CCDC192: variants seen among roughly 807,000 people sequenced by gnomAD.
CCDC192 encodes the protein coiled-coil domain containing 192.
At position 127,873,190 on chromosome 5, in the gene CCDC192, T is replaced by C. The variant is rs527382373; in HGVS notation, c.412-2348T>C. Among the ~76,000 whole-genome samples, 86 of 152,322 alleles carry C rather than the reference T, an allele frequency of 5.6e-4. 3 individuals carry two copies. Among genetic ancestry groups the C allele is most frequent in the Admixed American group, 1.2e-3 (19 of 15,292 alleles). On this transcript the variant is annotated intron_variant, in intron 5 of 6. Transcript: ENST00000514853. Reference sequence around the variant, plus strand: ...ACCTCACTGCATTTATTTTTTCTTGTGTTTATTTACTGTCAATGCATACTT... The same window carrying C: ...ACCTCACTGCATTTATTTTTTCTTGCGTTTATTTACTGTCAATGCATACTT...
intron 2 of CCDC192, among the ~76,000 whole-genome samples, chr5:127,736,433 G>A (rs1401194026): frequency 6.6e-6 from 1 of 151,706 alleles, no homozygotes; most frequent in Non-Finnish European, 1.5e-5. Flanking sequence ...TCAGAATGAT[G>A]CTTGCCTCAT....
At chr5:127,753,363 T>G (rs1407607571) in intron 2 of CCDC192, among the ~76,000 whole-genome samples, 1 of 152,172 alleles carries the variant, frequency 6.6e-6, no homozygotes, top group East Asian at 1.9e-4. Context: ...CCTACCAATT[T>G]TGCATACTCT....
In CCDC192 at chr5:127,775,735, G is replaced by A. The variant is rs137948569; in HGVS notation, c.222+21360G>A. Among the ~76,000 whole-genome samples, 288 of 152,270 alleles carry A rather than the reference G, an allele frequency of 1.9e-3. 1 individual carries two copies. Among genetic ancestry groups the A allele is most frequent in the African/African-American group, 6.7e-3 (279 of 41,544 alleles). ...GCTCCCATAATTCCCACATGTTGTG[G>A]GAGGGACCTGGTGGGAGATAATTGA... On this transcript the variant is annotated intron_variant, in intron 3 of 6. Coordinates refer to ENST00000514853, the MANE Select transcript of CCDC192 (RefSeq NM_001317938.2).
chr5:127,746,434 T>C (rs941149751), intron 2 of CCDC192, among the ~76,000 whole-genome samples: 1 of 152,190 alleles, frequency 6.6e-6, no homozygotes, highest in Non-Finnish European at 1.5e-5. Context: ...TTTTAAAAAC[T>C]TCTTCTTGAG....
chr5:127,875,772 G>C, intron 6 of CCDC192, 111 bp downstream of exon 6: 1 of 395,188 alleles, frequency 2.5e-6, no homozygotes, highest in Non-Finnish European at 4.5e-6. Flanking sequence ...TCTGACCTCT[G>C]TGTGGCACCA....
At chr5:127,927,008 ATGAACT>A (rs1485923664) in intron 6 of CCDC192, among the ~76,000 whole-genome samples, 1 of 152,200 alleles carries the variant, frequency 6.6e-6, no homozygotes, top group Non-Finnish European at 1.5e-5. Context: ...GGTCAAGTAG[ATGAACT>A]TGAAGCAAAT....
At chr5:127,767,704 C>T (rs2126902503) in intron 3 of CCDC192, among the ~76,000 whole-genome samples, 1 of 152,252 alleles carries the variant, frequency 6.6e-6, no homozygotes, top group East Asian at 1.9e-4. Flanking sequence ...ATCTCTTTGC[C>T]TGCATCCCTA....
chr5:127,797,751 ATATATATATATATATATATATATATATT>A (rs1365021683), intron 4 of CCDC192, among the ~76,000 whole-genome samples: 18 of 132,480 alleles, frequency 1.4e-4, no homozygotes, highest in South Asian at 4.9e-4. Context: ...ATATATATAT[ATATATATATATATATATATATATATATT>A]TATTTATTTA....
intron 5 of CCDC192, among the ~76,000 whole-genome samples, chr5:127,826,326 C>CT (rs1008919194): frequency 2.0e-5 from 3 of 152,112 alleles, no homozygotes; most frequent in Non-Finnish European, 2.9e-5. Context: ...AACTTATACT[C>CT]TGTTAGTGAA....
intron 6 of CCDC192, among the ~76,000 whole-genome samples, chr5:127,911,898 C>A (rs1355995603): frequency 6.6e-6 from 1 of 151,458 alleles, no homozygotes; most frequent in Non-Finnish European, 1.5e-5. Context: ...TTTTTAAGTT[C>A]TTTACTCACA....
intron 5 of CCDC192, among the ~76,000 whole-genome samples, chr5:127,860,345 G>A (rs887165211): frequency 2.0e-5 from 3 of 152,292 alleles, no homozygotes; most frequent in Admixed American, 2.0e-4. Flanking sequence ...CTAATGAGCT[G>A]TATCCTCTCT....
intron 3 of CCDC192, chr5:127,786,690 G>A (rs1292695289): frequency 5.3e-6 from 4 of 756,686 alleles, no homozygotes; most frequent in South Asian, 2.7e-5. Flanking sequence ...CCATTGTTGA[G>A]TGTAGAATTT....
intron 2 of CCDC192, among the ~76,000 whole-genome samples, chr5:127,729,514 A>G (rs760997007): frequency 2.6e-5 from 4 of 152,206 alleles, no homozygotes; most frequent in Non-Finnish European, 5.9e-5. Flanking sequence ...TCTGAATCCA[A>G]TGGATCTGAT....
intron 3 of CCDC192, among the ~76,000 whole-genome samples, chr5:127,774,037 GC>G (rs1248956835): frequency 1.3e-5 from 2 of 152,114 alleles, no homozygotes; most frequent in South Asian, 2.1e-4. Flanking sequence ...CTTTTCATGT[GC>G]TTCTTGGCCA....
chr5:127,851,311 T>A (rs1580749857), intron 5 of CCDC192, among the ~76,000 whole-genome samples: 1 of 152,336 alleles, frequency 6.6e-6, no homozygotes, highest in Middle Eastern at 3.4e-3. Context: ...GTGTACCTAC[T>A]TCTTCGAGAC....
intron 6 of CCDC192, among the ~76,000 whole-genome samples, chr5:127,917,072 A>G (rs1753542090): frequency 6.6e-6 from 1 of 152,164 alleles, no homozygotes. Context: ...CAGCTCCTCC[A>G]TCGGCACTTT....
intron 5 of CCDC192, among the ~76,000 whole-genome samples, chr5:127,870,244 G>A (rs575953939): frequency 6.6e-6 from 1 of 152,206 alleles, no homozygotes; most frequent in East Asian, 1.9e-4. Flanking sequence ...CCCTTAGCTG[G>A]GTTCATCAAA....
intron 3 of CCDC192, among the ~76,000 whole-genome samples, chr5:127,761,823 A>T (rs1754949472): frequency 1.3e-5 from 2 of 152,198 alleles, no homozygotes; most frequent in Admixed American, 1.3e-4. Flanking sequence ...CCACCAAAAA[A>T]ACTAATAAGT....
intron 3 of CCDC192, among the ~76,000 whole-genome samples, chr5:127,769,736 A>G (rs1346242772): frequency 6.6e-6 from 1 of 152,172 alleles, no homozygotes; most frequent in Non-Finnish European, 1.5e-5. Context: ...AGGTTGAATA[A>G]GGTGCCCAGA....
Sources: gnomAD v4.1 joint callset for allele counts (sites outside exome capture counted in the v4.1 genomes callset) on GRCh38, gnomAD v4.1.1 for gene constraint, MANE v1.5 for transcripts, NCBI Gene and HGNC (gene_info 2026-07-23, HGNC 2026-07-21) for gene names.